FHOD3: variants seen among roughly 807,000 people sequenced by gnomAD.
FHOD3 encodes the protein formin homology 2 domain containing 3.
Under a neutral mutation model 173.0 loss-of-function variants are expected in FHOD3, and 90 were observed. That is an observed-to-expected ratio of 0.52 (90% CI 0.44 to 0.62). The LOEUF is 0.62. FHOD3 is among the 20% of genes least tolerant of loss of function. FHOD3 has a pLI of 0.00. For synonymous variants in FHOD3, 828 were observed against 823.0 expected, an observed-to-expected ratio of 1.01 and a Z score of -0.10; for missense variants, 1,945 against 2,034.7, an observed-to-expected ratio of 0.96 and a Z score of 0.85.
chr18:36,382,563 A>C (rs1040971604), intron 3 of FHOD3, among the ~76,000 whole-genome samples: 2 of 152,226 alleles, frequency 1.3e-5, no homozygotes, highest in African/African-American at 4.8e-5. Context: ...TTCAACTAGA[A>C]GGTCAGAGGC....
chr18:36,403,730 A>T (rs570446397), intron 3 of FHOD3, among the ~76,000 whole-genome samples: 1 of 152,328 alleles, frequency 6.6e-6, no homozygotes, highest in Admixed American at 6.5e-5. Flanking sequence ...AGACATTTCA[A>T]TTTAAGGTGG....
Position 36,661,359 on chromosome 18 carries a change from T to A in FHOD3, c.1835+3171T>A, listed in dbSNP as rs1394581561. The stretch of plus-strand genomic sequence containing the variant: ...TATTTTTACTGAGGTATATATACTT[T>A]AGTAGAATTTGTAAGATTTATGGTT... On this transcript the variant is annotated intron_variant, in intron 14 of 28. Transcript: ENST00000590592. Among the ~76,000 whole-genome samples the A allele has an allele frequency of 2.0e-5, 3 of 152,218 alleles. No individual in the cohort carries two copies. In the East Asian group the frequency reaches 5.8e-4, roughly 29 times the overall value.
intron 17 of FHOD3, among the ~76,000 whole-genome samples, chr18:36,705,947 CTGTGTGTG>C (rs3222016): frequency 0.11 from 16,125 of 142,684 alleles, 1,007 homozygotes; most frequent in Middle Eastern, 0.19. Flanking sequence ...TCAGAAGGAA[CTGTGTGTG>C]TGTGTGTGTG....
intron 14 of FHOD3, among the ~76,000 whole-genome samples, chr18:36,678,771 A>C (rs1454047767): frequency 6.6e-6 from 1 of 152,110 alleles, no homozygotes; most frequent in South Asian, 2.1e-4. Flanking sequence ...AATTGTATTC[A>C]TTTATACTGT....
chr18:36,584,754 A>G (rs2058969899), intron 6 of FHOD3, among the ~76,000 whole-genome samples: 1 of 152,218 alleles, frequency 6.6e-6, no homozygotes, highest in Non-Finnish European at 1.5e-5. Flanking sequence ...CTTGAATAAC[A>G]CATAGACCCC....
intron 2 of FHOD3, among the ~76,000 whole-genome samples, chr18:36,363,811 A>G (rs1360440616): frequency 7.4e-6 from 1 of 135,260 alleles, no homozygotes; most frequent in Non-Finnish European, 1.6e-5. Flanking sequence ...CTTGTTAATA[A>G]TGTGTCAATA....
At chr18:36,658,221 G>C in intron 14 of FHOD3, 33 bp downstream of exon 14, 13 of 1,414,010 alleles carry the variant, frequency 9.2e-6, no homozygotes, top group Non-Finnish European at 1.3e-5. Flanking sequence ...TAGCTTCACA[G>C]TCCTCAAGTG....
chr18:36,762,284 AC>A (rs1320361720), intron 27 of FHOD3, among the ~76,000 whole-genome samples: 1 of 152,214 alleles, frequency 6.6e-6, no homozygotes, highest in Non-Finnish European at 1.5e-5. Context: ...TTTCCTATGA[AC>A]CAAAGAGCCA....
chr18:36,586,395 A>G (rs931393974), intron 6 of FHOD3, among the ~76,000 whole-genome samples: 8 of 152,176 alleles, frequency 5.3e-5, no homozygotes, highest in Admixed American at 5.2e-4. Flanking sequence ...CACGAATTTC[A>G]TTCTGCATAT....
chr18:36,733,701 A>G (rs111998055), intron 20 of FHOD3, among the ~76,000 whole-genome samples: 2 of 152,188 alleles, frequency 1.3e-5, no homozygotes, highest in South Asian at 2.1e-4. Context: ...AATTACAGCT[A>G]TGACGCTGAC....
intron 3 of FHOD3, among the ~76,000 whole-genome samples, chr18:36,445,970 G>A (rs2051446808): frequency 6.6e-6 from 1 of 152,136 alleles, no homozygotes; most frequent in South Asian, 2.1e-4. Flanking sequence ...GTTTTTTGTT[G>A]CATCCAAATC....
chr18:36,409,519 T>C (rs2049242964), intron 3 of FHOD3, among the ~76,000 whole-genome samples: 1 of 152,124 alleles, frequency 6.6e-6, no homozygotes, highest in Non-Finnish European at 1.5e-5. Context: ...CCTTCCCGTG[T>C]TATTGTTGAT....
In FHOD3 at chr18:36,521,294, C is replaced by T. The variant is rs562053964; in HGVS notation, c.511+8751C>T. Among the ~76,000 whole-genome samples the T allele has an allele frequency of 2.2e-4, 34 of 152,294 alleles. No homozygotes were observed. The South Asian group carries it at 6.8e-3, about 31-fold the overall frequency. Reference sequence around the variant, plus strand: ...AAGACCTCCAGCCCTGGCTACTCTCCAATGCCTCAGGCCTGTGGAGCCAGC... The same window carrying T: ...AAGACCTCCAGCCCTGGCTACTCTCTAATGCCTCAGGCCTGTGGAGCCAGC... On this transcript the variant is annotated intron_variant, in intron 5 of 28. Transcript: ENST00000590592.
chr18:36,310,687 C>CAA lies in FHOD3; in HGVS notation c.165+12700_165+12701dup, dbSNP rs571273504. Among the ~76,000 whole-genome samples, 84 of 72,652 alleles carry CAA rather than the reference C, an allele frequency of 1.2e-3. No individual in the cohort carries two copies. The East Asian group carries it at 0.019, about 16-fold the overall frequency. The allele number at this position is 72,652 out of a possible 152,430, so 47.7% of individuals were successfully genotyped here. A position where few individuals can be genotyped will look rare whatever the true frequency, so the allele number is the denominator to read the frequency against. On this transcript the variant is annotated intron_variant, in intron 1 of 28. Transcript: ENST00000590592. ...GAGCAACAGGAGTGAGACTCCATCT[C>CAA]AAAAAAAAAAAAAAGAAAAGAAAAA... is the stretch of plus-strand genomic sequence containing the variant.
At chr18:36,330,571 G>A (rs2145195572) in intron 1 of FHOD3, among the ~76,000 whole-genome samples, 1 of 147,930 alleles carries the variant, frequency 6.8e-6, no homozygotes, top group African/African-American at 2.7e-5. Flanking sequence ...CTGAAGGCAG[G>A]GGACTGTGGC....
chr18:36,718,044 T>G lies in FHOD3; in HGVS notation c.2746T>G (p.Ser916Ala), dbSNP rs1029983582. The G allele has an allele frequency of 1.2e-6, 2 of 1,603,108 alleles. No homozygotes were observed. Among genetic ancestry groups the G allele is most frequent in the East Asian group, 4.5e-5 (2 of 44,776 alleles). Residue 916 changes from serine (S) to alanine (A), a missense_variant, in exon 19 of 29, where the codon TCT (serine) becomes GCT (alanine). Physicochemically the swap from Ser to Ala is moderately conservative, Grantham distance 99. Coordinates refer to ENST00000590592, the MANE Select transcript of FHOD3 (RefSeq NM_001281740.3). Reference sequence around the variant, plus strand: ...CAGGATATCCACCCTGCAGGCCAACTCTCAGACCCAGGATGAGAGTGTCAG... The same window carrying G: ...CAGGATATCCACCCTGCAGGCCAACGCTCAGACCCAGGATGAGAGTGTCAG... ...ATRISTLQAN[S>A]QTQDESVRRV...
At chr18:36,419,814 G>A (rs892598846) in intron 3 of FHOD3, among the ~76,000 whole-genome samples, 2 of 152,198 alleles carry the variant, frequency 1.3e-5, no homozygotes, top group South Asian at 4.1e-4. Flanking sequence ...GGAAGGAAGT[G>A]CGCTCTCTTT....
In FHOD3 at chr18:36,717,901, G is replaced by C; in HGVS notation, c.2603G>C (p.Arg868Pro). ...GQCGDILTNK[R>P]FMLDMLYAHN... ...TGTGGCGACATCCTCACCAACAAAC[G>C]GTTCATGCTTGACATGCTGTATGCC... Residue 868 changes from arginine (R) to proline (P), a missense_variant, in exon 19 of 29, where the codon CGG becomes CCG. Transcript: ENST00000590592. The C allele has an allele frequency of 1.2e-5, 19 of 1,613,236 alleles. No homozygotes were observed. The highest frequency in any genetic ancestry group is 1.6e-5 in the Non-Finnish European group (19 of 1,179,618).
intron 3 of FHOD3, among the ~76,000 whole-genome samples, chr18:36,399,990 G>T (rs1040475881): frequency 1.3e-5 from 2 of 152,192 alleles, no homozygotes; most frequent in Admixed American, 1.3e-4. Context: ...AAATAAAAAT[G>T]TAAGAATGTT....
Sources: gnomAD v4.1 joint callset for allele counts (sites outside exome capture counted in the v4.1 genomes callset) on GRCh38, gnomAD v4.1.1 for gene constraint, MANE v1.5 for transcripts, NCBI Gene and HGNC (gene_info 2026-07-23, HGNC 2026-07-21) for gene names.